The following MYO1E variants were observed in gnomAD, a reference collection of about 807,000 sequenced individuals.
MYO1E encodes unconventional myosin-Ie.
In MYO1E, 68 loss-of-function variants were observed where a neutral mutation model predicts 151.1. The observed-to-expected ratio is 0.45, with a 90% CI of 0.37 to 0.55. The LOEUF is 0.55. MYO1E is among the 20% of genes least tolerant of loss of function. The pLI, the probability that MYO1E is intolerant of heterozygous loss-of-function variation, is 0.00. For missense variants in MYO1E, 1,363 were observed against 1,389.3 expected (o/e 0.98, Z 0.30); for synonymous variants, 601 against 501.7 (o/e 1.20, Z -2.64).
intron 1 of MYO1E, among the ~76,000 whole-genome samples, chr15:59,355,968 C>A (rs1467465110): frequency 1.3e-5 from 2 of 152,168 alleles, no homozygotes; most frequent in Non-Finnish European, 2.9e-5. Flanking sequence ...ATCCACCTGC[C>A]TAGGCCTCCC....
At chr15:59,144,694 C>T (rs545338832) in intron 26 of MYO1E, among the ~76,000 whole-genome samples, 22 of 152,270 alleles carry the variant, frequency 1.4e-4, no homozygotes, top group African/African-American at 4.3e-4. Flanking sequence ...ACAATCTCTA[C>T]GATTCACCAG....
chr15:59,251,205 TTCC>T (rs1274480867), intron 4 of MYO1E, among the ~76,000 whole-genome samples: 1 of 152,172 alleles, frequency 6.6e-6, no homozygotes, highest in Non-Finnish European at 1.5e-5. Flanking sequence ...GACCCAGGTG[TTCC>T]TCCTCATAAA....
chr15:59,351,343 A>G (rs940299470), intron 1 of MYO1E, among the ~76,000 whole-genome samples: 1 of 152,240 alleles, frequency 6.6e-6, no homozygotes, highest in Non-Finnish European at 1.5e-5. Context: ...TTCAATCAAT[A>G]TTTAGTGAAA....
intron 15 of MYO1E, among the ~76,000 whole-genome samples, chr15:59,203,150 A>G (rs1477137966): frequency 4.6e-5 from 7 of 152,178 alleles, no homozygotes; most frequent in Admixed American, 4.6e-4. Flanking sequence ...AGAGTTTCTG[A>G]GTCTGGGCAC....
intron 9 of MYO1E, among the ~76,000 whole-genome samples, chr15:59,220,391 G>A (rs2079946886): frequency 6.6e-6 from 1 of 152,252 alleles, no homozygotes; most frequent in Non-Finnish European, 1.5e-5. Flanking sequence ...GGAGGTTGCA[G>A]TGAGCCGAGA....
intron 1 of MYO1E, among the ~76,000 whole-genome samples, chr15:59,326,259 C>A (rs1284995733): frequency 6.6e-6 from 1 of 152,074 alleles, no homozygotes; most frequent in African/African-American, 2.4e-5. Context: ...GTGGCTCACG[C>A]CCGTAATTCC....
chr15:59,173,430 G>C (rs74017370), intron 21 of MYO1E, among the ~76,000 whole-genome samples: 39 of 132,498 alleles, frequency 2.9e-4, no homozygotes, highest in Middle Eastern at 4.1e-3. Flanking sequence ...GAAAATTCTC[G>C]CATTATTTAA....
rs1350241385 is a variant in MYO1E, at chr15:59,372,460, C to G, written c.3+38G>C. 6.5e-6 allele frequency: 10 copies of G among 1,537,022 alleles called. No homozygotes were observed. In the East Asian group the frequency reaches 9.8e-5, roughly 15 times the overall value. On this transcript the variant is annotated intron_variant, in intron 1 of 27. Transcript: ENST00000288235. ...ACGCCGGGGTTTCCTGCCCCGTCCCCGGGTCCGGCGTCCTAGGACGCGGCG... is the reference window on the plus strand; with the variant it reads ...ACGCCGGGGTTTCCTGCCCCGTCCCGGGGTCCGGCGTCCTAGGACGCGGCG...
chr15:59,213,386 G>C (rs1395776971), intron 12 of MYO1E, among the ~76,000 whole-genome samples: 1 of 151,846 alleles, frequency 6.6e-6, no homozygotes, highest in African/African-American at 2.4e-5. Flanking sequence ...GGCCAGGCTG[G>C]TCTCGAATTC....
At chr15:59,139,148 C>A (rs1452711048) in intron 26 of MYO1E, among the ~76,000 whole-genome samples, 1 of 152,058 alleles carries the variant, frequency 6.6e-6, no homozygotes, top group Admixed American at 6.5e-5. Context: ...CTCCTGTCTA[C>A]TCCCATCCCA....
intron 4 of MYO1E, among the ~76,000 whole-genome samples, chr15:59,247,342 A>C (rs1464999100): frequency 6.6e-6 from 1 of 152,204 alleles, no homozygotes; most frequent in African/African-American, 2.4e-5. Flanking sequence ...TCTCCATTAA[A>C]ATATGGGAAA....
intron 26 of MYO1E, among the ~76,000 whole-genome samples, chr15:59,143,282 G>C (rs1402638997): frequency 1.3e-5 from 2 of 152,196 alleles, no homozygotes; most frequent in East Asian, 1.9e-4. Context: ...TGAGAGGTGG[G>C]GGAGGCCAGG....
intron 2 of MYO1E, among the ~76,000 whole-genome samples, chr15:59,265,245 C>T (rs559355625): frequency 2.2e-4 from 34 of 152,250 alleles, no homozygotes; most frequent in African/African-American, 7.7e-4. Context: ...GTTACTGCCG[C>T]CTTGTCCTAG....
intron 2 of MYO1E, among the ~76,000 whole-genome samples, chr15:59,266,072 C>T (rs576988929): frequency 1.2e-4 from 19 of 152,230 alleles, no homozygotes; most frequent in South Asian, 2.1e-4. Flanking sequence ...TAGTTATTTC[C>T]GGTGAGAGTT....
chr15:59,283,155 G>A (rs909429031), intron 1 of MYO1E, among the ~76,000 whole-genome samples: 3 of 151,238 alleles, frequency 2.0e-5, no homozygotes, highest in South Asian at 2.1e-4. Context: ...AGGTAGCTGC[G>A]CATGCATTTG....
At chr15:59,261,297 CAA>C in intron 3 of MYO1E, 121 bp downstream of exon 3, 2 of 507,490 alleles carry the variant, frequency 3.9e-6, no homozygotes, top group South Asian at 4.0e-5. Context: ...CAATGTCACT[CAA>C]GTTTCTCCAA....
chr15:59,162,791 C>A (rs1339918645), intron 23 of MYO1E, among the ~76,000 whole-genome samples: 7 of 152,126 alleles, frequency 4.6e-5, no homozygotes. Context: ...TAAACCCCCA[C>A]CTCTGTCACT....
intron 26 of MYO1E, among the ~76,000 whole-genome samples, chr15:59,149,879 G>A (rs2079466099): frequency 6.6e-6 from 1 of 152,188 alleles, no homozygotes; most frequent in African/African-American, 2.4e-5. Flanking sequence ...TATGGAAAAA[G>A]TACAAACTTG....
intron 4 of MYO1E, among the ~76,000 whole-genome samples, chr15:59,243,597 G>C (rs1199978455): frequency 6.6e-6 from 1 of 152,110 alleles, no homozygotes; most frequent in Non-Finnish European, 1.5e-5. Context: ...AAACCTTTAA[G>C]ACCCTCATAT....
Sources: allele counts gnomAD v4.1 joint callset (sites outside exome capture counted in the v4.1 genomes callset), GRCh38; gene constraint gnomAD v4.1.1; transcripts MANE v1.5; gene names NCBI Gene and HGNC (gene_info 2026-07-23, HGNC 2026-07-21).